Variants in RBPJ observed in about 807,000 individuals in gnomAD.
RBPJ encodes recombining binding protein suppressor of hairless.
Under a neutral mutation model 67.8 loss-of-function variants are expected in RBPJ, and 9 were observed. The ratio of observed to expected loss-of-function variants is 0.13; its 90% CI spans 0.08 to 0.23. The LOEUF (loss-of-function observed/expected upper bound fraction) is 0.23, where lower values mean the gene tolerates loss of function less well. RBPJ is among the 10% of genes least tolerant of loss of function. The pLI is 1.00. For missense variants in RBPJ, 305 were observed against 595.6 expected (o/e 0.51, Z 5.08); for synonymous variants, 198 against 203.3 (o/e 0.97, Z 0.22).
chr4:26,160,991 T>A (rs1716066813), upstream of RBPJ, among the ~76,000 whole-genome samples: 1 of 152,192 alleles, frequency 6.6e-6, no homozygotes, highest in African/African-American at 2.4e-5. Context: ...TGGCAAAACA[T>A]GTTTCCAGTT....
the RBPJ span, among the ~76,000 whole-genome samples, chr4:26,123,927 C>T: frequency 6.6e-6 from 1 of 151,776 alleles, no homozygotes; most frequent in East Asian, 1.9e-4. Flanking sequence ...TTACAGTTAA[C>T]TTTTTTTTAA....
intron 1 of RBPJ, among the ~76,000 whole-genome samples, chr4:26,303,363 T>A (rs1577406639): frequency 1.4e-5 from 2 of 141,332 alleles, no homozygotes; most frequent in South Asian, 4.4e-4. Context: ...ATCCCAGGAG[T>A]CTGAGGCCAG....
intron 1 of RBPJ, among the ~76,000 whole-genome samples, chr4:26,210,354 G>A (rs953975961): frequency 1.3e-5 from 2 of 152,164 alleles, no homozygotes; most frequent in Non-Finnish European, 2.9e-5. Flanking sequence ...TTGAGGGAGG[G>A]AGAAGAGGTT....
chr4:26,269,475 C>T (rs1720810361), intron 1 of RBPJ, among the ~76,000 whole-genome samples: 1 of 152,150 alleles, frequency 6.6e-6, no homozygotes, highest in East Asian at 1.9e-4. Context: ...AGGCTGGTCT[C>T]GATCTCCTGA....
intron 1 of RBPJ, among the ~76,000 whole-genome samples, chr4:26,261,079 T>C (rs1720514947): frequency 6.6e-6 from 1 of 152,162 alleles, no homozygotes; most frequent in Admixed American, 6.5e-5. Flanking sequence ...GGCATTATCA[T>C]GCCCACCTCA....
upstream of RBPJ, chr4:26,319,648 T>C (rs868563417): frequency 4.8e-6 from 3 of 627,228 alleles, no homozygotes; most frequent in South Asian, 5.5e-5. Flanking sequence ...GGCCGTGTTG[T>C]GTCTGAGCCG....
At chr4:26,184,024 T>TA (rs1461015565) in intron 1 of RBPJ, among the ~76,000 whole-genome samples, 4 of 142,672 alleles carry the variant, frequency 2.8e-5, no homozygotes, top group African/African-American at 7.9e-5. Context: ...AAAAACAAAA[T>TA]AAAAAAAATT....
chr4:26,361,873 T>A (rs979054225), intron 1 of RBPJ, among the ~76,000 whole-genome samples: 2 of 152,222 alleles, frequency 1.3e-5, no homozygotes, highest in Non-Finnish European at 2.9e-5. Context: ...AACAGATACC[T>A]GCCAAGTCAA....
chr4:26,186,594 A>G (rs1448706919), intron 1 of RBPJ, among the ~76,000 whole-genome samples: 1 of 152,124 alleles, frequency 6.6e-6, no homozygotes, highest in Non-Finnish European at 1.5e-5. Context: ...AGACAAACCA[A>G]GCAGTGAGGT....
At position 26,430,041 on chromosome 4, in the gene RBPJ, A is replaced by T. The variant is rs1342187785; in HGVS notation, c.1032A>T (p.Val344=). Residue 344 remains valine, a synonymous_variant, in exon 9 of 11, where the codon GTA becomes GTT. Transcript: ENST00000355476. The surrounding 1 kb of genome is among the most constrained non-coding windows in gnomAD (Gnocchi z 4.1). ...CCCCAGTCACTCCTGTGCCTGTGGT[A>T]GAGAGCCTTCAGGTGAGAACGCCTA... The part of the protein sequence containing the change: ...VLAPVTPVPV[V]ESLQLNGGGD... The T allele has an allele frequency of 1.2e-6, 2 of 1,614,106 alleles. No homozygotes were observed. Among genetic ancestry groups the T allele is most frequent in the Non-Finnish European group, 1.7e-6 (2 of 1,179,962 alleles).
chr4:26,365,132 G>A lies in RBPJ; in HGVS notation c.21-21221G>A, dbSNP rs115693284. Among the ~76,000 whole-genome samples the A allele has an allele frequency of 9.3e-3, 1,407 of 151,588 alleles. 16 individuals carry two copies. Among genetic ancestry groups the A allele is most frequent in the African/African-American group, 0.032 (1,340 of 41,346 alleles). ...AATTATATATATACACACAGTGCAGGTTTGGGCATGTAGGAAGCCAGTGTC... is the reference window on the plus strand; with the variant it reads ...AATTATATATATACACACAGTGCAGATTTGGGCATGTAGGAAGCCAGTGTC... On this transcript the variant is annotated intron_variant, in intron 1 of 10. Coordinates refer to ENST00000355476, the MANE Select transcript of RBPJ (RefSeq NM_015874.6).
intron 1 of RBPJ, among the ~76,000 whole-genome samples, chr4:26,380,533 T>G (rs2109599195): frequency 6.6e-6 from 1 of 152,322 alleles, no homozygotes; most frequent in African/African-American, 2.4e-5. Context: ...ATTTAACTTT[T>G]CATACTATTT....
At chr4:26,215,258 A>AGGGG (rs1718659233) in intron 1 of RBPJ, among the ~76,000 whole-genome samples, 1 of 84,808 alleles carries the variant, frequency 1.2e-5, no homozygotes, top group Non-Finnish European at 2.3e-5. Flanking sequence ...TAAGAAAGAA[A>AGGGG]GGAAGGGAGG....
At chr4:26,110,247 T>C in the RBPJ span, among the ~76,000 whole-genome samples, 1 of 152,230 alleles carries the variant, frequency 6.6e-6, no homozygotes, top group Non-Finnish European at 1.5e-5. This position sits in a 1 kb window ranked among gnomAD's most constrained non-coding sequence, Gnocchi z 4.5. Context: ...TTTCTGATTA[T>C]GGACCTTTGG....
chr4:26,194,661 G>A (rs936218189), intron 1 of RBPJ, among the ~76,000 whole-genome samples: 2 of 152,218 alleles, frequency 1.3e-5, no homozygotes, highest in South Asian at 2.1e-4. Flanking sequence ...CTCTGAGCTA[G>A]CACAGTTACC....
chr4:26,119,475 G>A, the RBPJ span, among the ~76,000 whole-genome samples: 1 of 152,024 alleles, frequency 6.6e-6, no homozygotes, highest in Non-Finnish European at 1.5e-5. Context: ...CCCTTTCTGT[G>A]AAAGTCTCTG....
chr4:26,332,334 A>G (rs1046291270), intron 1 of RBPJ, among the ~76,000 whole-genome samples: 1 of 152,064 alleles, frequency 6.6e-6, no homozygotes, highest in Admixed American at 6.6e-5. Flanking sequence ...TGCACACAGG[A>G]TTTACTGACA....
At chr4:26,363,271 C>T (rs1728263095) in intron 1 of RBPJ, among the ~76,000 whole-genome samples, 1 of 151,966 alleles carries the variant, frequency 6.6e-6, no homozygotes, top group Non-Finnish European at 1.5e-5. Context: ...TCCTGAGTAG[C>T]TGGAACTATA....
At chr4:26,405,893 G>A (rs546073458) in intron 2 of RBPJ, among the ~76,000 whole-genome samples, 1 of 152,300 alleles carries the variant, frequency 6.6e-6, no homozygotes, top group East Asian at 1.9e-4. Flanking sequence ...TCTGGAAGGT[G>A]TAATTGTGGT....
Sources: allele counts gnomAD v4.1 joint callset (sites outside exome capture counted in the v4.1 genomes callset), GRCh38; gene constraint gnomAD v4.1.1; non-coding constraint Gnocchi (gnomAD v3.1); transcripts MANE v1.5; gene names NCBI Gene and HGNC (gene_info 2026-07-23, HGNC 2026-07-21).